The following MAST4 variants were observed in gnomAD, a reference collection of about 807,000 sequenced individuals.
MAST4 encodes the protein microtubule associated serine/threonine kinase family member 4.
In MAST4, 89 loss-of-function variants were observed where a neutral mutation model predicts 162.7. That is an observed-to-expected ratio of 0.55 (90% CI 0.46 to 0.65). MAST4 has a LOEUF of 0.65. MAST4 is among the 30% of genes least tolerant of loss of function. The pLI is 0.00. For missense variants in MAST4, 3,153 were observed against 3,374.0 expected, an observed-to-expected ratio of 0.93 and a Z score of 1.62; for synonymous variants, 1,479 against 1,361.1, an observed-to-expected ratio of 1.09 and a Z score of -1.91.
At chr5:67,017,448 TGTTA>T (rs1242135925) in intron 4 of MAST4, among the ~76,000 whole-genome samples, 1 of 152,210 alleles carries the variant, frequency 6.6e-6, no homozygotes, top group African/African-American at 2.4e-5. Context: ...GGCAACTAGG[TGTTA>T]GTTTTGTTTT....
chr5:66,755,386 C>T (rs918204096), intron 1 of MAST4, among the ~76,000 whole-genome samples: 8 of 152,120 alleles, frequency 5.3e-5, no homozygotes, highest in African/African-American at 1.9e-4. Context: ...ATTACAGAAC[C>T]CATGTGCTTG....
chr5:66,873,799 T>C (rs1274769604), intron 3 of MAST4, among the ~76,000 whole-genome samples: 1 of 152,232 alleles, frequency 6.6e-6, no homozygotes, highest in Non-Finnish European at 1.5e-5. Flanking sequence ...GATTTTCGAC[T>C]GCTATTTCTC....
chr5:67,112,617 A>G (rs766111044), intron 11 of MAST4, among the ~76,000 whole-genome samples: 1 of 152,312 alleles, frequency 6.6e-6, no homozygotes, highest in South Asian at 2.1e-4. Context: ...ATTATGAAAT[A>G]CACTAAAAAC....
At chr5:66,648,823 T>C (rs905952841) in intron 1 of MAST4, among the ~76,000 whole-genome samples, 2 of 152,204 alleles carry the variant, frequency 1.3e-5, no homozygotes, top group Non-Finnish European at 2.9e-5. Context: ...AGGGTAGTCA[T>C]ACTTGTAGAA....
At chr5:67,049,044 TGTATATATATATATAC>T (rs778624239) in intron 4 of MAST4, among the ~76,000 whole-genome samples, 1,566 of 97,436 alleles carry the variant, frequency 0.016, 10 homozygotes, top group Non-Finnish European at 0.019. Flanking sequence ...TATATATACG[TGTATATATATATATAC>T]GTATATATAT....
intron 3 of MAST4, among the ~76,000 whole-genome samples, chr5:66,883,422 G>GTTT (rs36071165): frequency 1.4e-4 from 14 of 97,248 alleles, no homozygotes; most frequent in African/African-American, 5.2e-4. Flanking sequence ...TTCTGTCACT[G>GTTT]TTTTTTTTTT....
intron 1 of MAST4, among the ~76,000 whole-genome samples, chr5:66,652,778 T>C (rs894308232): frequency 2.4e-4 from 37 of 152,204 alleles, no homozygotes; most frequent in African/African-American, 8.2e-4. Flanking sequence ...GTCTTTGGAG[T>C]TTGGGCATAA....
intron 1 of MAST4, among the ~76,000 whole-genome samples, chr5:66,710,030 C>G (rs958838685): frequency 1.3e-5 from 2 of 152,220 alleles, no homozygotes; most frequent in African/African-American, 2.4e-5. Flanking sequence ...GAGAGAAGTT[C>G]TGGTCTCCAC....
intron 3 of MAST4, among the ~76,000 whole-genome samples, chr5:66,876,008 C>T (rs1241681883): frequency 1.3e-5 from 2 of 152,152 alleles, no homozygotes; most frequent in African/African-American, 4.8e-5. Context: ...GTCAAGCAAT[C>T]CTCCTGCCTT....
chr5:67,116,367 A>C (rs1011846195), intron 12 of MAST4, among the ~76,000 whole-genome samples: 1 of 151,368 alleles, frequency 6.6e-6, no homozygotes, highest in African/African-American at 2.4e-5. Context: ...CACCATGCTC[A>C]GCTAATTTTT....
intron 1 of MAST4, among the ~76,000 whole-genome samples, chr5:66,626,793 C>T (rs575950585): frequency 6.6e-6 from 1 of 152,016 alleles, no homozygotes; most frequent in African/African-American, 2.4e-5. Context: ...TGTTAAACAC[C>T]TAAGTGGAGA....
chr5:67,004,759 C>G, intron 4 of MAST4: 2 of 483,602 alleles, frequency 4.1e-6, no homozygotes, highest in Non-Finnish European at 7.5e-6. Flanking sequence ...ATCAGTTTCC[C>G]GGACCTTTGA....
chr5:66,793,492 C>T (rs1755516074), intron 3 of MAST4, among the ~76,000 whole-genome samples: 1 of 152,188 alleles, frequency 6.6e-6, no homozygotes, highest in Admixed American at 6.5e-5. Flanking sequence ...ATGCTGCTTT[C>T]TGGCAAGAAA....
intron 4 of MAST4, among the ~76,000 whole-genome samples, chr5:67,017,765 A>G (rs1164277989): frequency 6.6e-6 from 1 of 151,382 alleles, no homozygotes; most frequent in Non-Finnish European, 1.5e-5. Context: ...TGCCCAGCTA[A>G]TTTTCGTGTT....
intron 1 of MAST4, among the ~76,000 whole-genome samples, chr5:66,702,921 G>A (rs369702078): frequency 3.2e-4 from 48 of 152,252 alleles, no homozygotes; most frequent in East Asian, 2.5e-3. Flanking sequence ...TGGTGGAAGC[G>A]GGGAGATCAG....
chr5:66,837,347 G>A (rs902900267), intron 3 of MAST4, among the ~76,000 whole-genome samples: 12 of 151,886 alleles, frequency 7.9e-5, no homozygotes, highest in African/African-American at 2.9e-4. Flanking sequence ...TATCTTAGTG[G>A]GATATAAATT....
intron 4 of MAST4, among the ~76,000 whole-genome samples, chr5:66,979,139 T>G (rs892692822): frequency 6.6e-6 from 1 of 152,190 alleles, no homozygotes; most frequent in Non-Finnish European, 1.5e-5. Context: ...AGTTTCACTT[T>G]TAGCTATGGT....
At chr5:66,774,979 G>A (rs931467971) in intron 2 of MAST4, among the ~76,000 whole-genome samples, 8 of 147,712 alleles carry the variant, frequency 5.4e-5, no homozygotes, top group East Asian at 2.0e-4. Flanking sequence ...ATAGACATTC[G>A]TTCAATATCC....
intron 5 of MAST4, among the ~76,000 whole-genome samples, chr5:67,058,734 C>T (rs967964521): frequency 1.3e-5 from 2 of 152,164 alleles, no homozygotes; most frequent in African/African-American, 4.8e-5. Context: ...CTTGTATATT[C>T]ATGCATAGTC....
Sources: gnomAD v4.1 joint callset for allele counts (sites outside exome capture counted in the v4.1 genomes callset) on GRCh38, gnomAD v4.1.1 for gene constraint, MANE v1.5 for transcripts, NCBI Gene and HGNC (gene_info 2026-07-23, HGNC 2026-07-21) for gene names.